ZNF215: variants seen among roughly 807,000 people sequenced by gnomAD.
The protein encoded by ZNF215 is zinc finger protein 215.
A neutral mutation model predicts 27.2 loss-of-function variants in ZNF215; 24 were observed. That is an observed-to-expected ratio of 0.88 (90% CI 0.64 to 1.24). The LOEUF is 1.24. ZNF215 is among the 50% of genes most tolerant of loss of function. ZNF215 has a pLI of 0.00. For missense variants in ZNF215, 675 were observed against 605.7 expected (o/e 1.11, Z -1.20); for synonymous variants, 210 against 204.0 (o/e 1.03, Z -0.25).
intron 3 of ZNF215, among the ~76,000 whole-genome samples, chr11:6,937,819 CT>C: frequency 6.6e-6 from 1 of 151,880 alleles, no homozygotes; most frequent in Non-Finnish European, 1.5e-5. Flanking sequence ...GAGTAGGGGC[CT>C]TACCTCATAT....
chr11:6,963,121 A>G (rs576449412), intron 5 of ZNF215, among the ~76,000 whole-genome samples: 14 of 152,212 alleles, frequency 9.2e-5, no homozygotes, highest in African/African-American at 2.9e-4. Flanking sequence ...AGTGAATTCA[A>G]TTGAATTAAT....
chr11:6,936,821 G>GA (rs1414793477), intron 3 of ZNF215, among the ~76,000 whole-genome samples: 2 of 150,224 alleles, frequency 1.3e-5, no homozygotes, highest in African/African-American at 4.9e-5. Context: ...AGTGAAAGGG[G>GA]AAAAATTACA....
chr11:6,939,384 G>A (rs754891186), intron 3 of ZNF215, among the ~76,000 whole-genome samples: 1 of 152,162 alleles, frequency 6.6e-6, no homozygotes, highest in Non-Finnish European at 1.5e-5. Context: ...GCAGGTATTT[G>A]TGTATCTCGC....
intron 5 of ZNF215, among the ~76,000 whole-genome samples, chr11:6,969,562 T>A (rs1423551897): frequency 6.8e-6 from 1 of 147,550 alleles, no homozygotes; most frequent in Non-Finnish European, 1.5e-5. Flanking sequence ...TTAAACATAA[T>A]TGCATCAGTA....
rs544400048 is a variant in ZNF215 at position 6,981,742 on chromosome 11, G to A, written c.806-2387G>A. On this transcript the variant is annotated intron_variant, in intron 5 of 5. Coordinates refer to the ZNF215 transcript ENST00000529903. ...TTCTTCAGGGTTTTTATGGTTTTAG[G>A]TCTAACGTTTAAGTCTTTAATCCAT... Among the ~76,000 whole-genome samples, 17 of 152,258 alleles carry A rather than the reference G, an allele frequency of 1.1e-4. 1 individual carries two copies. In the South Asian group the frequency reaches 2.7e-3, roughly 24 times the overall value.
intron 5 of ZNF215, among the ~76,000 whole-genome samples, chr11:6,967,132 A>T (rs1850637621): frequency 6.6e-6 from 1 of 152,174 alleles, no homozygotes; most frequent in Non-Finnish European, 1.5e-5. Context: ...CCTGCAAAGG[A>T]CATAAACTCA....
At chr11:6,939,290 T>C (rs981103068) in intron 3 of ZNF215, among the ~76,000 whole-genome samples, 2 of 152,158 alleles carry the variant, frequency 1.3e-5, no homozygotes, top group Non-Finnish European at 2.9e-5. Flanking sequence ...AAAGCAACAA[T>C]GTGAAGCAAG....
chr11:6,943,777 T>G, intron 6 of ZNF215, 136 bp downstream of exon 6: 1 of 725,284 alleles, frequency 1.4e-6, no homozygotes, highest in Non-Finnish European at 2.4e-6. Context: ...GAAAAGACAT[T>G]ATTCGCTTTT....
downstream of ZNF215, among the ~76,000 whole-genome samples, chr11:6,989,331 C>T (rs1384194954): frequency 6.6e-6 from 1 of 152,016 alleles, no homozygotes; most frequent in Non-Finnish European, 1.5e-5. Context: ...ACGTTTATGC[C>T]TTCCTATAAA....
At chr11:6,943,708 C>A in intron 6 of ZNF215, 67 bp downstream of exon 6, 2 of 1,217,274 alleles carry the variant, frequency 1.6e-6, no homozygotes, top group Non-Finnish European at 2.4e-6. Context: ...AGACAATGTG[C>A]AACCCAATCT....
At chr11:6,986,329 C>CA (rs1851053198), downstream of ZNF215, among the ~76,000 whole-genome samples, 1 of 151,968 alleles carries the variant, frequency 6.6e-6, no homozygotes, top group African/African-American at 2.4e-5. Context: ...TAGTCATATG[C>CA]AAAAAAATGA....
chr11:6,993,693 G>A (rs1851144476), downstream of ZNF215, among the ~76,000 whole-genome samples: 1 of 151,976 alleles, frequency 6.6e-6, no homozygotes, highest in African/African-American at 2.4e-5. Context: ...TCTTTCTTAT[G>A]CCTTTATGTT....
chr11:6,956,624 T>G lies in ZNF215; in HGVS notation c.*93T>G. The G allele has an allele frequency of 7.0e-7, 1 of 1,433,496 alleles. No homozygotes were observed. The highest frequency in any genetic ancestry group is 9.1e-7 in the Non-Finnish European group (1 of 1,099,702). 88.8% of individuals were successfully genotyped at this position (1,433,496 alleles called of 1,614,324 possible). A position where few individuals can be genotyped will look rare whatever the true frequency, so the allele number is the denominator to read the frequency against. On this transcript the variant is annotated 3_prime_UTR_variant, in exon 7 of 7. Coordinates refer to ENST00000278319, the MANE Select transcript of ZNF215 (RefSeq NM_013250.4). ...TGGATAAAATCTCATGAATATAATG[T>G]AAGAAAACATTTGTCAGATTTTTCT...
chr11:6,930,828 A>G (rs573074733), intron 2 of ZNF215, among the ~76,000 whole-genome samples: 4 of 152,256 alleles, frequency 2.6e-5, no homozygotes, highest in Non-Finnish European at 4.4e-5. Context: ...AGCTTTATAC[A>G]TATAGTAACT....
At chr11:6,931,113 C>A (rs1849244379) in intron 2 of ZNF215, among the ~76,000 whole-genome samples, 1 of 152,210 alleles carries the variant, frequency 6.6e-6, no homozygotes, top group Non-Finnish European at 1.5e-5. Context: ...CTGAGAACCA[C>A]TGACCTTAGA....
At chr11:6,974,502 T>C (rs11041118) in intron 5 of ZNF215, among the ~76,000 whole-genome samples, 1,720 of 152,270 alleles carry the variant, frequency 0.011, 35 homozygotes, top group African/African-American at 0.04. Flanking sequence ...GCCATTTTCA[T>C]GATATTGATT....
chr11:6,948,389 T>G (rs942323232), intron 6 of ZNF215, among the ~76,000 whole-genome samples: 2 of 152,098 alleles, frequency 1.3e-5, no homozygotes, highest in African/African-American at 2.4e-5. Context: ...TGTACACTGG[T>G]GAGGCGGAGA....
chr11:6,928,894 G>A (rs981817108), intron 2 of ZNF215, among the ~76,000 whole-genome samples: 1 of 152,138 alleles, frequency 6.6e-6, no homozygotes, highest in African/African-American at 2.4e-5. Context: ...CAGGAGGGTC[G>A]TGGATGTCAA....
intron 5 of ZNF215, among the ~76,000 whole-genome samples, chr11:6,982,327 T>C (rs1850971104): frequency 6.6e-6 from 1 of 151,984 alleles, no homozygotes; most frequent in Non-Finnish European, 1.5e-5. Context: ...AACACCCCAC[T>C]ATCAACATTA....
Sources: allele counts gnomAD v4.1 joint callset (sites outside exome capture counted in the v4.1 genomes callset), GRCh38; gene constraint gnomAD v4.1.1; transcripts MANE v1.5; gene names NCBI Gene and HGNC (gene_info 2026-07-23, HGNC 2026-07-21).